Variants in IFTAP observed in about 807,000 individuals in gnomAD.
The protein encoded by IFTAP is intraflagellar transport-associated protein.
A neutral mutation model predicts 19.4 loss-of-function variants in IFTAP; 19 were observed. The ratio of observed to expected loss-of-function variants is 0.98; its 90% confidence interval spans 0.68 to 1.44. The LOEUF is 1.44. IFTAP is among the 40% of genes most tolerant of loss of function. The pLI, the probability that IFTAP is intolerant of heterozygous loss-of-function variation, is 0.00. For missense variants in IFTAP, 240 were observed against 253.6 expected (o/e 0.95, Z 0.36); for synonymous variants, 85 against 83.5 (o/e 1.02, Z -0.10).
chr11:36,619,290 C>G (rs1243615992), intron 2 of IFTAP, among the ~76,000 whole-genome samples: 1 of 151,964 alleles, frequency 6.6e-6, no homozygotes, highest in African/African-American at 2.4e-5. Flanking sequence ...AAACCGGTGA[C>G]AGCACATAAA....
At chr11:36,656,090 A>T (rs756606756) in intron 5 of IFTAP, among the ~76,000 whole-genome samples, 1 of 152,200 alleles carries the variant, frequency 6.6e-6, no homozygotes, top group Non-Finnish European at 1.5e-5. Flanking sequence ...GGAAGGGAGA[A>T]TCTTAAGAAG....
chr11:36,652,496 A>G (rs1044607712), intron 5 of IFTAP, among the ~76,000 whole-genome samples: 3 of 152,190 alleles, frequency 2.0e-5, no homozygotes, highest in African/African-American at 7.2e-5. Context: ...TATCATCTGC[A>G]AACAGGGACA....
chr11:36,632,127 C>G (rs1336304150), intron 2 of IFTAP, among the ~76,000 whole-genome samples: 1 of 151,172 alleles, frequency 6.6e-6, no homozygotes, highest in Non-Finnish European at 1.5e-5. Context: ...CTTTCTCTCT[C>G]TGTAGGCCTT....
At chr11:36,653,880 C>A (rs1335478529) in intron 5 of IFTAP, among the ~76,000 whole-genome samples, 2 of 152,106 alleles carry the variant, frequency 1.3e-5, no homozygotes, top group African/African-American at 2.4e-5. Context: ...AAACAATAAA[C>A]CTCACCACTA....
At chr11:36,607,604 T>C (rs1256274843) in intron 1 of IFTAP, among the ~76,000 whole-genome samples, 1 of 151,874 alleles carries the variant, frequency 6.6e-6, no homozygotes, top group Non-Finnish European at 1.5e-5. Flanking sequence ...TTTTTTTTTT[T>C]CCTGAGCTTT....
Position 36,659,160 on chromosome 11 carries a change from C to T in IFTAP, c.640C>T (p.Pro214Ser). ...CKQQKRKDTS[P>S]DLEKSCD ...GCAGCAGAAGAGAAAGGACACCAGC[C>T]CAGACTTAGAGAAATCCTGTGACTG... The change falls in exon 6 of 6, where the codon CCA (proline) becomes TCA (serine). Residue 214 changes from proline (P) to serine (S), a missense_variant. By Grantham distance (74) the Pro-to-Ser change is moderately conservative (BLOSUM62 -1). Coordinates refer to ENST00000334307, the MANE Select transcript of IFTAP (RefSeq NM_138787.4). The T allele has an allele frequency of 6.3e-7, 1 of 1,593,520 alleles. No individual in the cohort carries two copies. The highest frequency in any genetic ancestry group is 8.5e-7 in the Non-Finnish European group (1 of 1,172,062).
chr11:36,657,745 A>C (rs891380445), intron 5 of IFTAP, among the ~76,000 whole-genome samples: 2 of 152,178 alleles, frequency 1.3e-5, no homozygotes, highest in Non-Finnish European at 2.9e-5. Context: ...GGTTGCTTGA[A>C]TATCACTGCT....
At chr11:36,604,482 G>A (rs1851621470) in intron 1 of IFTAP, among the ~76,000 whole-genome samples, 1 of 152,036 alleles carries the variant, frequency 6.6e-6, no homozygotes, top group South Asian at 2.1e-4. Flanking sequence ...GAGATGTTTT[G>A]TTTTATATTC....
chr11:36,657,886 G>A (rs1433234097), intron 5 of IFTAP, among the ~76,000 whole-genome samples: 3 of 152,282 alleles, frequency 2.0e-5, no homozygotes, highest in South Asian at 2.1e-4. Flanking sequence ...GGAAATGAAC[G>A]CATCTCCAGA....
rs751163863 is a variant in IFTAP at position 36,658,744 on chromosome 11, A to T, written c.499-275A>T. 5.0e-4 allele frequency among the ~76,000 whole-genome samples: 76 copies of T among 152,172 alleles called. 1 individual carries two copies. Among genetic ancestry groups the T allele is most frequent in the Admixed American group, 2.6e-4 (4 of 15,260 alleles). On this transcript the variant is annotated intron_variant, in intron 5 of 5. Transcript: ENST00000334307. ...AAGTGGTAAAATGTATAATGAGTAT[A>T]TGCAAGGGAGACTTTCTGATTCTTG...
rs150017621 is a variant in IFTAP at position 36,654,319 on chromosome 11, CTTTAT to C, written c.499-4681_499-4677del. On this transcript the variant is annotated intron_variant, in intron 5 of 5. Transcript: ENST00000334307. ...CTCACTTCACTTTTCTCCTGTGATTCTTTATTTTATTTTATTTTATTTTTTTATTT... is the reference window on the plus strand; with the variant it reads ...CTCACTTCACTTTTCTCCTGTGATTCTTTATTTTATTTTATTTTTTTATTT... Among the ~76,000 whole-genome samples, 974 of 151,914 alleles carry C rather than the reference CTTTAT, an allele frequency of 6.4e-3. 11 individuals carry two copies. Among genetic ancestry groups the C allele is most frequent in the African/African-American group, 0.022 (915 of 41,474 alleles).
chr11:36,631,439 A>G lies in IFTAP; in HGVS notation c.137-1845A>G, dbSNP rs187696112. 1.3e-5 allele frequency among the ~76,000 whole-genome samples: 2 copies of G among 151,490 alleles called. 1 individual carries two copies. The highest frequency in any genetic ancestry group is 4.9e-5 in the African/African-American group (2 of 40,780). Reference sequence around the variant, plus strand: ...TGTTTCCCATCAGTATATCTGTGTTATGTCCTAAAGATACCCTCACAAGTC... The same window carrying G: ...TGTTTCCCATCAGTATATCTGTGTTGTGTCCTAAAGATACCCTCACAAGTC... On this transcript the variant is annotated intron_variant, in intron 2 of 5. Coordinates refer to ENST00000334307, the MANE Select transcript of IFTAP (RefSeq NM_138787.4).
At chr11:36,655,281 A>G (rs1215825263) in intron 5 of IFTAP, among the ~76,000 whole-genome samples, 2 of 152,114 alleles carry the variant, frequency 1.3e-5, no homozygotes, top group African/African-American at 4.8e-5. Flanking sequence ...TCCTTTGTCA[A>G]CTTGTAAACT....
chr11:36,610,110 G>C lies in IFTAP; in HGVS notation c.7G>C (p.Ala3Pro). The change falls in exon 2 of 6, where the codon GCC (alanine) becomes CCC (proline). Residue 3 changes from alanine (A) to proline (P), a missense_variant. Physicochemically the swap from Ala to Pro is conservative, Grantham distance 27. Transcript: ENST00000334307. ...TGTGGCCTCATGAATAGGAATGTCTGCCCATATGTCAGGATTGGAAATAAT... is the reference window on the plus strand; with the variant it reads ...TGTGGCCTCATGAATAGGAATGTCTCCCCATATGTCAGGATTGGAAATAAT... MSAHMSGLEIMDE... is the reference protein window; with the variant it reads MSPHMSGLEIMDE... 1.9e-6 allele frequency: 3 copies of C among 1,612,900 alleles called. No individual in the cohort carries two copies. Among genetic ancestry groups the C allele is most frequent in the Non-Finnish European group, 2.5e-6 (3 of 1,179,256 alleles).
chr11:36,654,321 T>A (rs1202465185), intron 5 of IFTAP, among the ~76,000 whole-genome samples: 2 of 150,016 alleles, frequency 1.3e-5, no homozygotes, highest in Non-Finnish European at 2.9e-5. Context: ...CTGTGATTCT[T>A]TATTTTATTT....
intron 2 of IFTAP, among the ~76,000 whole-genome samples, chr11:36,625,403 T>C (rs1342416482): frequency 6.6e-6 from 1 of 152,184 alleles, no homozygotes; most frequent in Non-Finnish European, 1.5e-5. Flanking sequence ...ACTTGCTTTT[T>C]TCCCCTCACC....
intron 1 of IFTAP, among the ~76,000 whole-genome samples, chr11:36,596,242 T>TAA (rs1230480712): frequency 1.3e-5 from 2 of 149,966 alleles, no homozygotes; most frequent in Admixed American, 6.6e-5. Flanking sequence ...TTTTTTGCTT[T>TAA]AAAGAACTTC....
intron 3 of IFTAP, among the ~76,000 whole-genome samples, chr11:36,635,723 C>T (rs1305920427): frequency 1.3e-5 from 2 of 152,176 alleles, no homozygotes; most frequent in Non-Finnish European, 2.9e-5. Flanking sequence ...CTGTTTTCAA[C>T]TGTCATGGTG....
At chr11:36,595,825 T>C (rs1435292682) in intron 1 of IFTAP, among the ~76,000 whole-genome samples, 1 of 152,184 alleles carries the variant, frequency 6.6e-6, no homozygotes, top group Non-Finnish European at 1.5e-5. Flanking sequence ...GTAATGGCAG[T>C]TGATAAGGTT....
Sources: allele counts gnomAD v4.1 joint callset (sites outside exome capture counted in the v4.1 genomes callset), GRCh38; gene constraint gnomAD v4.1.1; transcripts MANE v1.5; gene names NCBI Gene and HGNC (gene_info 2026-07-23, HGNC 2026-07-21).